CDK15: variants seen among roughly 807,000 people sequenced by gnomAD.
The protein encoded by CDK15 is cyclin-dependent kinase 15.
A neutral mutation model predicts 60.3 loss-of-function variants in CDK15; 62 were observed. The ratio of observed to expected loss-of-function variants is 1.03; its 90% CI spans 0.84 to 1.27. The LOEUF (loss-of-function observed/expected upper bound fraction) is 1.27. Among genes scored for constraint, CDK15 ranks in the 50% most tolerant of loss-of-function variants. CDK15 has a pLI of 0.00. For synonymous variants in CDK15, 194 were observed against 195.7 expected, an observed-to-expected ratio of 0.99 and a Z score of 0.07; for missense variants, 541 against 527.8, an observed-to-expected ratio of 1.03 and a Z score of -0.25.
chr2:201,839,078 T>A (rs1257617653), intron 8 of CDK15, among the ~76,000 whole-genome samples: 1 of 152,246 alleles, frequency 6.6e-6, no homozygotes, highest in East Asian at 1.9e-4. Context: ...TTATATTGCT[T>A]CTAGTCTTCT....
intron 8 of CDK15, among the ~76,000 whole-genome samples, chr2:201,836,073 T>TTTATATATATATTTATATA (rs869308361): frequency 2.8e-5 from 3 of 106,684 alleles, no homozygotes; most frequent in East Asian, 4.7e-4. Flanking sequence ...TATATTTATA[T>TTTATATATATATTTATATA]TTATATATAT....
At chr2:201,877,312 C>A (rs995312607) in intron 11 of CDK15, among the ~76,000 whole-genome samples, 2 of 152,194 alleles carry the variant, frequency 1.3e-5, no homozygotes, top group African/African-American at 4.8e-5. Context: ...CAGGAGCCAT[C>A]TGTTGTGGGT....
intron 12 of CDK15, chr2:201,888,692 C>A: frequency 7.6e-7 from 1 of 1,317,314 alleles, no homozygotes; most frequent in East Asian, 3.0e-5. Flanking sequence ...GGTTGCCTTC[C>A]CAGCATGTTC....
chr2:201,890,995 G>A lies in CDK15; in HGVS notation c.*33+68G>A, dbSNP rs1699623642. On this transcript the variant is annotated intron_variant, in intron 13 of 13. Coordinates refer to ENST00000652192, the MANE Select transcript of CDK15 (RefSeq NM_001366386.2). ...AAAGCAATTGGTGCCGGGTGGAGAG[G>A]ACATTGCTCAGGGATTCAGAGCACC... 6 of 795,190 alleles carry A rather than the reference G, an allele frequency of 7.5e-6. No individual in the cohort carries two copies. The East Asian group carries it at 1.4e-4, about 18-fold the overall frequency. 49.3% of individuals were successfully genotyped at this position (795,190 alleles called of 1,614,324 possible). A position where few individuals can be genotyped will look rare whatever the true frequency, so the allele number is the denominator to read the frequency against.
At chr2:201,845,439 C>G (rs569845085) in intron 8 of CDK15, among the ~76,000 whole-genome samples, 1 of 151,880 alleles carries the variant, frequency 6.6e-6, no homozygotes, top group Non-Finnish European at 1.5e-5. Flanking sequence ...CCTACACAAT[C>G]AATGAAAAGT....
chr2:201,876,477 GT>G (rs1699081855), intron 11 of CDK15: 1 of 669,230 alleles, frequency 1.5e-6, no homozygotes, highest in Non-Finnish European at 2.4e-6. Context: ...TTCATGTGGG[GT>G]GGAGTTGGCT....
At chr2:201,821,649 C>G (rs926389888) in intron 4 of CDK15, among the ~76,000 whole-genome samples, 11 of 152,128 alleles carry the variant, frequency 7.2e-5, no homozygotes, top group Non-Finnish European at 1.6e-4. Context: ...TTTCTTCATG[C>G]AGGGTTGCCC....
intron 10 of CDK15, chr2:201,860,927 G>A (rs1698368216): frequency 6.1e-6 from 8 of 1,312,224 alleles, no homozygotes; most frequent in South Asian, 1.2e-5. Flanking sequence ...ATGATAAAGA[G>A]CTATTCTGCT....
At chr2:201,881,768 GCCACT>G (rs1699286617) in intron 12 of CDK15, among the ~76,000 whole-genome samples, 1 of 151,920 alleles carries the variant, frequency 6.6e-6, no homozygotes, top group Non-Finnish European at 1.5e-5. Flanking sequence ...TTCCTCCCCG[GCCACT>G]CCCATCCCAA....
At chr2:201,825,823 G>A (rs1442712394) in intron 6 of CDK15, among the ~76,000 whole-genome samples, 1 of 152,184 alleles carries the variant, frequency 6.6e-6, no homozygotes, top group Non-Finnish European at 1.5e-5. Context: ...TCTAGTCTGA[G>A]TCTAATCTGA....
intron 8 of CDK15, among the ~76,000 whole-genome samples, chr2:201,837,141 C>T (rs12465067): frequency 1 from 151,090 of 151,834 alleles, 75,180 homozygotes; most frequent in Middle Eastern, 1. Flanking sequence ...CTACATTTTT[C>T]AAAAAAATTA....
Position 201,835,680 on chromosome 2 carries a change from C to T in CDK15, c.768C>T (p.Tyr256=), listed in dbSNP as rs967703219. The change falls in exon 8 of 14, where the codon TAC becomes TAT. Residue 256 remains tyrosine, a synonymous_variant. Transcript: ENST00000652192. ...ARAKSIPSQT[Y]SSEVVTLWYR... ...CCAAGTCCATTCCCAGCCAGACATACTCTTCAGAAGTCGTGACCCTCTGGT... is the reference window on the plus strand; with the variant it reads ...CCAAGTCCATTCCCAGCCAGACATATTCTTCAGAAGTCGTGACCCTCTGGT... 3.1e-6 allele frequency: 5 copies of T among 1,610,866 alleles called. No individual in the cohort carries two copies. In the Admixed American group the frequency reaches 8.3e-5, roughly 27 times the overall value.
intron 3 of CDK15, 127 bp downstream of exon 3, chr2:201,808,079 C>G (rs1226220771): frequency 4.6e-6 from 3 of 654,052 alleles, no homozygotes; most frequent in Non-Finnish European, 7.4e-6. Context: ...ACACCATGGC[C>G]GACAGGGAGA....
intron 12 of CDK15, among the ~76,000 whole-genome samples, chr2:201,884,081 A>C (rs937018279): frequency 5.3e-5 from 8 of 152,186 alleles, no homozygotes; most frequent in African/African-American, 1.9e-4. Flanking sequence ...AACTACAGAC[A>C]CTGATCCAGA....
chr2:201,890,352 C>T (rs943730037), intron 12 of CDK15, among the ~76,000 whole-genome samples: 1 of 152,192 alleles, frequency 6.6e-6, no homozygotes, highest in Non-Finnish European at 1.5e-5. Flanking sequence ...GAATATCCTC[C>T]TTGGCAGTCC....
At chr2:201,860,126 AAC>A (rs771090895) in intron 10 of CDK15, among the ~76,000 whole-genome samples, 22 of 152,286 alleles carry the variant, frequency 1.4e-4, no homozygotes, top group Admixed American at 7.8e-4. Flanking sequence ...TGCTTCCTTA[AAC>A]ACGGTTTTTG....
At position 201,890,944 on chromosome 2, in the gene CDK15, G is replaced by A. The variant is rs368836102; in HGVS notation, c.*33+17G>A. On this transcript the variant is annotated intron_variant, in intron 13 of 13. Coordinates refer to ENST00000652192, the MANE Select transcript of CDK15 (RefSeq NM_001366386.2). ...TTCTTCCAGGTAAGTGGTTGCAACA[G>A]TGAGGTTCCTTATGGAACAAATTGA... 1.1e-4 allele frequency: 155 copies of A among 1,373,126 alleles called. 1 individual carries two copies. The Middle Eastern group carries it at 1.4e-3, about 13-fold the overall frequency. The allele number at this position is 1,373,126 out of a possible 1,614,324, so 85.1% of individuals were successfully genotyped here.
chr2:201,835,148 A>G (rs1396503824), intron 7 of CDK15, among the ~76,000 whole-genome samples: 1 of 152,204 alleles, frequency 6.6e-6, no homozygotes, highest in Admixed American at 6.5e-5. Flanking sequence ...ATAACATGCT[A>G]GAAACTTAAC....
intron 3 of CDK15, chr2:201,808,649 C>T (rs1418410633): frequency 6.6e-6 from 1 of 152,020 alleles, no homozygotes; most frequent in African/African-American, 2.4e-5. Flanking sequence ...AGTAATGGCT[C>T]AATAGTGGTT....
Sources: allele counts gnomAD v4.1 joint callset (sites outside exome capture counted in the v4.1 genomes callset), GRCh38; gene constraint gnomAD v4.1.1; transcripts MANE v1.5; gene names NCBI Gene and HGNC (gene_info 2026-07-23, HGNC 2026-07-21).